Variants in GRIK4 observed in about 807,000 individuals in gnomAD.
GRIK4 encodes the protein glutamate ionotropic receptor kainate type subunit 4.
A neutral mutation model predicts 104.9 loss-of-function variants in GRIK4; 40 were observed. The observed-to-expected ratio is 0.38, with a 90% CI of 0.30 to 0.50. GRIK4 has a LOEUF of 0.50. Ranked by LOEUF, GRIK4 falls within the 20% of genes least tolerant of loss-of-function variation. The pLI is 0.93. For missense variants in GRIK4, 1,047 were observed against 1,308.1 expected, an observed-to-expected ratio of 0.80 and a Z score of 3.08; for synonymous variants, 485 against 524.9, an observed-to-expected ratio of 0.92 and a Z score of 1.04.
intron 20 of GRIK4, 28 bp from the exon 21 acceptor site, chr11:120,985,876 T>A: frequency 6.5e-7 from 1 of 1,549,776 alleles, no homozygotes; most frequent in Non-Finnish European, 8.7e-7. Flanking sequence ...GTTGAGAGGC[T>A]GGGCCCTGAC....
chr11:120,587,056 G>T (rs535719652), intron 1 of GRIK4, among the ~76,000 whole-genome samples: 1 of 152,160 alleles, frequency 6.6e-6, no homozygotes, highest in African/African-American at 2.4e-5. Flanking sequence ...TTAAACAATC[G>T]AGGCGATTTG....
chr11:120,757,923 T>C (rs577636625), intron 3 of GRIK4, among the ~76,000 whole-genome samples: 5 of 152,190 alleles, frequency 3.3e-5, no homozygotes, highest in Non-Finnish European at 7.4e-5. Flanking sequence ...AGTGAGAGAC[T>C]GCAAATTATT....
At position 120,985,888 on chromosome 11, in the gene GRIK4, T is replaced by G. The variant is rs1306559490; in HGVS notation, c.2515-16T>G. 2.6e-6 allele frequency: 4 copies of G among 1,550,588 alleles called. No homozygotes were observed. Among genetic ancestry groups the G allele is most frequent in the Non-Finnish European group, 3.5e-6 (4 of 1,147,046 alleles). ...CTGGTTGAGAGGCTGGGCCCTGACC[T>G]CGCTGTCTCCTCCAGGTGTCCGTCT... On this transcript the variant is annotated splice_polypyrimidine_tract_variant and intron_variant, in intron 20 of 20. Coordinates refer to ENST00000527524, the MANE Select transcript of GRIK4 (RefSeq NM_014619.5).
In GRIK4 at chr11:120,787,852, C is replaced by CTTTT. The variant is rs58523604; in HGVS notation, c.83-14815_83-14812dup. Among the ~76,000 whole-genome samples, 86 of 77,102 alleles carry CTTTT rather than the reference C, an allele frequency of 1.1e-3. 16 individuals carry two copies. The highest frequency in any genetic ancestry group is 3.3e-3 in the African/African-American group (54 of 16,210). The allele number at this position is 77,102 out of a possible 152,430, so 50.6% of individuals were successfully genotyped here. On this transcript the variant is annotated intron_variant, in intron 3 of 20. Transcript: ENST00000527524. ...TTTCTTCTCTTTTTTCTTTTCTTTT[C>CTTTT]TTTTTTTTTTTTTTTTTTTTTTTTT...
intron 1 of GRIK4, among the ~76,000 whole-genome samples, chr11:120,642,097 A>G (rs1417801166): frequency 6.6e-6 from 1 of 152,182 alleles, no homozygotes; most frequent in Non-Finnish European, 1.5e-5. Flanking sequence ...GTTTTTCCCA[A>G]CACACATTAT....
intron 8 of GRIK4, among the ~76,000 whole-genome samples, chr11:120,860,085 G>A (rs963625923): frequency 1.3e-5 from 2 of 152,240 alleles, no homozygotes; most frequent in African/African-American, 4.8e-5. Context: ...TTCCTGGCCA[G>A]AAGGAAAGCC....
intron 9 of GRIK4, among the ~76,000 whole-genome samples, chr11:120,863,868 G>A (rs945961619): frequency 6.6e-6 from 1 of 152,222 alleles, no homozygotes; most frequent in Non-Finnish European, 1.5e-5. Context: ...CAGGAAGGAA[G>A]GGGTAGCTAA....
At position 120,952,967 on chromosome 11, in the gene GRIK4, ACTCTC is replaced by A; in HGVS notation, c.1700+8_1700+12del. ...TGTGTCCTCTTCCTGGTGGCTCGGT[ACTCTC>A]CTCTTCCCTTCCCTGTCCTTACACC... On this transcript the variant is annotated splice_donor_5th_base_variant and intron_variant, in intron 15 of 20. Transcript: ENST00000527524. This position sits in a 1 kb window ranked among gnomAD's most constrained non-coding sequence, Gnocchi z 5.2. 1 of 1,580,920 alleles carries A rather than the reference ACTCTC, an allele frequency of 6.3e-7. No individual in the cohort carries two copies. The highest frequency in any genetic ancestry group is 8.7e-7 in the Non-Finnish European group (1 of 1,155,140).
chr11:120,823,091 C>T (rs1953168345), intron 6 of GRIK4, among the ~76,000 whole-genome samples: 1 of 152,046 alleles, frequency 6.6e-6, no homozygotes, highest in African/African-American at 2.4e-5. Context: ...ACCCTGTGTA[C>T]ACAGCGGGGT....
At chr11:120,739,424 C>A (rs1298280694) in intron 3 of GRIK4, among the ~76,000 whole-genome samples, 1 of 152,162 alleles carries the variant, frequency 6.6e-6, no homozygotes, top group Non-Finnish European at 1.5e-5. Context: ...AGGTCTGAGC[C>A]TGGGCCTCTT....
chr11:120,910,303 G>A (rs1036096555), intron 13 of GRIK4, among the ~76,000 whole-genome samples: 18 of 152,208 alleles, frequency 1.2e-4, no homozygotes, highest in African/African-American at 4.3e-4. Flanking sequence ...CATATTTTCT[G>A]CATATGTGTG....
chr11:120,858,695 C>G (rs1311077348), intron 8 of GRIK4, among the ~76,000 whole-genome samples: 1 of 152,128 alleles, frequency 6.6e-6, no homozygotes, highest in Non-Finnish European at 1.5e-5. Flanking sequence ...AACCTAATGC[C>G]CTGAGGAACA....
chr11:120,744,197 A>T (rs1314470721), intron 3 of GRIK4, among the ~76,000 whole-genome samples: 1 of 152,176 alleles, frequency 6.6e-6, no homozygotes, highest in East Asian at 1.9e-4. Context: ...TGGCAGGAAC[A>T]TTAATGAGGC....
At chr11:120,770,679 C>T (rs1486353777) in intron 3 of GRIK4, among the ~76,000 whole-genome samples, 1 of 152,178 alleles carries the variant, frequency 6.6e-6, no homozygotes, top group Non-Finnish European at 1.5e-5. Flanking sequence ...TTTGTGTCTG[C>T]CCCGCCCCTG....
At chr11:120,621,986 C>T (rs1949195501) in intron 1 of GRIK4, among the ~76,000 whole-genome samples, 1 of 152,010 alleles carries the variant, frequency 6.6e-6, no homozygotes, top group Non-Finnish European at 1.5e-5. Flanking sequence ...TTGCAACCTC[C>T]ACCTCCTGGG....
rs1348710500 is a variant in GRIK4 at position 120,660,289 on chromosome 11, A to T, written c.-30A>T. ...CGCAGAGTTATGTCATGCCCAGGCCAGCAGGGGGCTCCATGAGGATTCATA... is the reference window on the plus strand; with the variant it reads ...CGCAGAGTTATGTCATGCCCAGGCCTGCAGGGGGCTCCATGAGGATTCATA... On this transcript the variant is annotated 5_prime_UTR_variant, in exon 3 of 21. Coordinates refer to ENST00000527524, the MANE Select transcript of GRIK4 (RefSeq NM_014619.5). The T allele has an allele frequency of 1.9e-6, 3 of 1,548,740 alleles. No homozygotes were observed. The highest frequency in any genetic ancestry group is 2.7e-6 in the Non-Finnish European group (3 of 1,121,934).
At chr11:120,537,267 G>A (rs1426487422) in intron 1 of GRIK4, among the ~76,000 whole-genome samples, 24 of 152,172 alleles carry the variant, frequency 1.6e-4, no homozygotes, top group Non-Finnish European at 5.9e-5. Flanking sequence ...GTCCTCTCTT[G>A]ACCTGGTCCA....
intron 1 of GRIK4, among the ~76,000 whole-genome samples, chr11:120,604,897 C>T (rs540083580): frequency 6.6e-6 from 1 of 152,220 alleles, no homozygotes; most frequent in Non-Finnish European, 1.5e-5. Context: ...GGGTCTCACT[C>T]TGTTGCCCAG....
chr11:120,532,021 C>T (rs1947928835), intron 1 of GRIK4, among the ~76,000 whole-genome samples: 1 of 152,296 alleles, frequency 6.6e-6, no homozygotes, highest in South Asian at 2.1e-4. Context: ...CCTGCTTCCA[C>T]CTCTGGATGT....
Sources: gnomAD v4.1 joint callset for allele counts (sites outside exome capture counted in the v4.1 genomes callset) on GRCh38, gnomAD v4.1.1 for gene constraint, Gnocchi (gnomAD v3.1) non-coding constraint, MANE v1.5 for transcripts, NCBI Gene and HGNC (gene_info 2026-07-23, HGNC 2026-07-21) for gene names.